The following WDR93 variants were observed in gnomAD, a reference collection of about 807,000 sequenced individuals.
WDR93 encodes the protein WD repeat-containing protein 93.
Under a neutral mutation model 82.9 loss-of-function variants are expected in WDR93, and 73 were observed. The observed-to-expected ratio is 0.88, with a 90% CI of 0.73 to 1.07. WDR93 has a LOEUF of 1.07. WDR93 is among the 50% of genes least tolerant of loss of function. WDR93 has a pLI of 0.00. For missense variants in WDR93, 738 were observed against 826.0 expected (o/e 0.89, Z 1.31); for synonymous variants, 283 against 300.1 (o/e 0.94, Z 0.59).
intron 1 of WDR93, 79 bp downstream of exon 1, chr15:89,690,936 T>G: frequency 2.7e-5 from 8 of 298,220 alleles, no homozygotes; most frequent in Non-Finnish European, 5.0e-5. Flanking sequence ...TAGAGTCTCC[T>G]AGAGGAAAGT....
rs983096784 is a variant in WDR93, at chr15:89,718,440, C to T, written c.795+1491C>T. 2.6e-5 allele frequency among the ~76,000 whole-genome samples: 4 copies of T among 151,790 alleles called. No individual in the cohort carries two copies. The East Asian group carries it at 7.8e-4, about 29-fold the overall frequency. On this transcript the variant is annotated intron_variant, in intron 7 of 16. Coordinates refer to ENST00000268130, the MANE Select transcript of WDR93 (RefSeq NM_020212.2). ...AGTGAGCCGAGATCACACCACTGCA[C>T]TCCAGCCTGGGAGACAGCTGTCTAA...
rs770221706 is a variant in WDR93, at chr15:89,743,363, C to G, written c.2033C>G (p.Ser678Trp). The change falls in exon 17 of 17, where the codon TCG becomes TGG. Residue 678 changes from serine (S) to tryptophan (W), a missense_variant. Ser to Trp is a radical substitution (Grantham distance 177). Transcript: ENST00000268130. The stretch of plus-strand genomic sequence containing the variant: ...GCCCGGCTTCAGAGGTACTCCTTGT[C>G]GCTCCAGAGAGAGAACTTCAAGAAG... ...HWARLQRYSL[S>W]LQRENFKK 2 of 1,614,026 alleles carry G rather than the reference C, an allele frequency of 1.2e-6. No individual in the cohort carries two copies.
At chr15:89,707,429 T>C (rs1229158505) in intron 4 of WDR93, among the ~76,000 whole-genome samples, 1 of 151,940 alleles carries the variant, frequency 6.6e-6, no homozygotes, top group Non-Finnish European at 1.5e-5. Context: ...CAGGCGCCTA[T>C]ATCCCAGCTA....
At chr15:89,740,896 T>G (rs1967619148) in intron 16 of WDR93, among the ~76,000 whole-genome samples, 1 of 152,070 alleles carries the variant, frequency 6.6e-6, no homozygotes, top group South Asian at 2.1e-4. Flanking sequence ...TCCCAGCACT[T>G]TGGGAGGCCA....
At chr15:89,694,590 G>C (rs1021720785) in intron 1 of WDR93, among the ~76,000 whole-genome samples, 14 of 152,162 alleles carry the variant, frequency 9.2e-5, no homozygotes, top group Admixed American at 9.2e-4. Context: ...CTGGACAAAA[G>C]TACTTTATCA....
chr15:89,694,720 T>C (rs1416632135), intron 1 of WDR93, among the ~76,000 whole-genome samples: 1 of 152,232 alleles, frequency 6.6e-6, no homozygotes, highest in African/African-American at 2.4e-5. Flanking sequence ...CAGTTTGTTC[T>C]TTTTAGGTTA....
intron 1 of WDR93, among the ~76,000 whole-genome samples, chr15:89,693,992 T>C (rs1254825755): frequency 1.3e-5 from 2 of 152,226 alleles, no homozygotes; most frequent in African/African-American, 4.8e-5. Flanking sequence ...TCCAAACCAG[T>C]TGTACTATTT....
At chr15:89,713,606 G>A (rs1253429303) in intron 5 of WDR93, among the ~76,000 whole-genome samples, 2 of 151,908 alleles carry the variant, frequency 1.3e-5, no homozygotes, top group Non-Finnish European at 2.9e-5. Context: ...CCAAGTAGCT[G>A]GGATTACAGG....
At chr15:89,708,091 C>A (rs1354774602) in intron 4 of WDR93, among the ~76,000 whole-genome samples, 1 of 152,068 alleles carries the variant, frequency 6.6e-6, no homozygotes, top group African/African-American at 2.4e-5. Context: ...TGCAAACTAA[C>A]CTAGTGATGG....
intron 10 of WDR93, 95 bp from the exon 11 acceptor site, chr15:89,729,588 T>G: frequency 1.1e-6 from 1 of 918,654 alleles, no homozygotes; most frequent in Non-Finnish European, 1.7e-6. Context: ...CAAACCAGCT[T>G]CTCTTGGGCA....
intron 7 of WDR93, among the ~76,000 whole-genome samples, chr15:89,721,574 A>T (rs559263152): frequency 6.6e-6 from 1 of 152,308 alleles, no homozygotes; most frequent in South Asian, 2.1e-4. Context: ...ACGCACACAC[A>T]AAGTTTCTTT....
intron 1 of WDR93, among the ~76,000 whole-genome samples, chr15:89,698,405 C>G (rs1380577839): frequency 6.6e-6 from 1 of 152,136 alleles, no homozygotes; most frequent in Admixed American, 6.5e-5. Context: ...CTGACAACTT[C>G]TATCATTTGA....
At chr15:89,690,523 A>C, upstream of WDR93, 1 of 1,380,464 alleles carries the variant, frequency 7.2e-7, no homozygotes, top group South Asian at 1.3e-5. Context: ...GGGAATAGGC[A>C]CGGGAGCCGA....
intron 8 of WDR93, 58 bp from the exon 9 acceptor site, chr15:89,727,099 A>G: frequency 6.4e-7 from 1 of 1,563,844 alleles, no homozygotes; most frequent in Admixed American, 1.8e-5. Context: ...GAAGTAGGGG[A>G]AAATCAGGAA....
chr15:89,732,978 G>A (rs1369535430), intron 12 of WDR93, 28 bp from the exon 13 acceptor site: 4 of 1,610,660 alleles, frequency 2.5e-6, no homozygotes, highest in Non-Finnish European at 3.4e-6. Context: ...CCCGTTTTCT[G>A]ACCGGCTTGT....
At chr15:89,726,553 C>T (rs1966746276) in intron 8 of WDR93, among the ~76,000 whole-genome samples, 1 of 152,176 alleles carries the variant, frequency 6.6e-6, no homozygotes, top group Admixed American at 6.5e-5. Context: ...TTCTGAAACT[C>T]AGGGTGCAAA....
chr15:89,714,909 C>A, intron 5 of WDR93, 71 bp from the exon 6 acceptor site: 1 of 1,315,824 alleles, frequency 7.6e-7, no homozygotes. Flanking sequence ...AAGAAGAAGA[C>A]AGGCCATTTC....
intron 4 of WDR93, among the ~76,000 whole-genome samples, chr15:89,708,343 C>G (rs997088479): frequency 6.6e-6 from 1 of 152,198 alleles, no homozygotes; most frequent in African/African-American, 2.4e-5. Context: ...GTAGCAGGAG[C>G]AGAGAGCGGA....
chr15:89,713,765 G>A (rs544634072), intron 5 of WDR93, among the ~76,000 whole-genome samples: 167 of 152,212 alleles, frequency 1.1e-3, no homozygotes, highest in Non-Finnish European at 1.2e-3. Flanking sequence ...GAGCCACCAC[G>A]CCTGGCGAAG....
Sources: allele counts gnomAD v4.1 joint callset (sites outside exome capture counted in the v4.1 genomes callset), GRCh38; gene constraint gnomAD v4.1.1; transcripts MANE v1.5; gene names NCBI Gene and HGNC (gene_info 2026-07-23, HGNC 2026-07-21).